The following UNC93A variants were observed in gnomAD, a reference collection of about 807,000 sequenced individuals.
UNC93A encodes unc-93 homolog A.
UNC93A carries 43 observed loss-of-function variants against 47.5 expected under a neutral mutation model. The ratio of observed to expected loss-of-function variants is 0.91; its 90% CI spans 0.71 to 1.17. The LOEUF (loss-of-function observed/expected upper bound fraction) is 1.17. Among genes scored for constraint, UNC93A ranks in the 50% most tolerant of loss-of-function variants. UNC93A has a pLI of 0.00. For synonymous variants in UNC93A, 280 were observed against 258.0 expected (o/e 1.09, Z -0.82); for missense variants, 605 against 577.6 (o/e 1.05, Z -0.49).
chr6:167,315,103 G>A, intron 7 of UNC93A, 84 bp from the exon 8 acceptor site: 1 of 1,536,226 alleles, frequency 6.5e-7, no homozygotes, highest in Non-Finnish European at 8.8e-7. Flanking sequence ...AGAAAATGGG[G>A]CAGTGGGAAA....
Position 167,315,249 on chromosome 6 carries a change from G to A in UNC93A, c.1171G>A (p.Glu391Lys), listed in dbSNP as rs1778660173. Residue 391 changes from glutamate to lysine, a missense_variant, in exon 8 of 8, where the codon GAG becomes AAG. By Grantham distance (56) the Glu-to-Lys change is moderately conservative. Transcript: ENST00000230256. ...EAAFANYRLW[E>K]ALGFVIAFGY... ...TGCCTTCGCCAATTACCGCCTGTGG[G>A]AGGCCCTGGGCTTCGTCATTGCCTT... 1 of 1,613,794 alleles carries A rather than the reference G, an allele frequency of 6.2e-7. No individual in the cohort carries two copies. Among genetic ancestry groups the A allele is most frequent in the African/African-American group, 1.3e-5 (1 of 74,964 alleles).
At chr6:167,272,322 C>T (rs936223764) in intron 1 of UNC93A, among the ~76,000 whole-genome samples, 26 of 152,202 alleles carry the variant, frequency 1.7e-4, no homozygotes, top group Non-Finnish European at 1.0e-4. Context: ...TGCTCTCAGG[C>T]CTGCTCCCGG....
Position 167,307,763 on chromosome 6 carries a change from C to G in UNC93A, c.977-16C>G. ...ATGGCCCTCATCGCCTGGCGGTTTC[C>G]CCTCTGCACCCCCAGGCGCGGTGAC... is the stretch of plus-strand genomic sequence containing the variant. On this transcript the variant is annotated splice_polypyrimidine_tract_variant and intron_variant, in intron 6 of 7. Coordinates refer to ENST00000230256, the MANE Select transcript of UNC93A (RefSeq NM_018974.4). 1 of 1,589,258 alleles carries G rather than the reference C, an allele frequency of 6.3e-7. No individual in the cohort carries two copies. The highest frequency in any genetic ancestry group is 8.5e-7 in the Non-Finnish European group (1 of 1,171,150).
At position 167,283,193 on chromosome 6, in the gene UNC93A, G is replaced by A. The variant is rs558654381; in HGVS notation, c.-51-8246G>A. 1.6e-4 allele frequency among the ~76,000 whole-genome samples: 24 copies of A among 152,310 alleles called. No homozygotes were observed. In the East Asian group the frequency reaches 4.4e-3, roughly 28 times the overall value. Reference sequence around the variant, plus strand: ...CAGCTTTGCAGGGCCATTTCAAAATGTGTCAAACAAAGTTATTTTTGGGTA... The same window carrying A: ...CAGCTTTGCAGGGCCATTTCAAAATATGTCAAACAAAGTTATTTTTGGGTA... On this transcript the variant is annotated intron_variant, in intron 1 of 3. Transcript: ENST00000503433.
Position 167,304,131 on chromosome 6 carries a change from A to G in UNC93A, c.838A>G (p.Arg280Gly). ...QQGFLSSEYT[R>G]SYVTCTLGIQ... ...AGGATTCCTCTCCAGCGAATACACA[A>G]GGGTATGAACGAAAGTGAGGGCCGG... is the stretch of plus-strand genomic sequence containing the variant. Residue 280 changes from arginine to glycine, a missense_variant and splice_region_variant, in exon 5 of 8, where the codon AGG (arginine) becomes GGG (glycine). Transcript: ENST00000230256. The G allele has an allele frequency of 6.2e-7, 1 of 1,614,188 alleles. No homozygotes were observed. The highest frequency in any genetic ancestry group is 1.1e-5 in the South Asian group (1 of 91,076).
chr6:167,287,262 A>T (rs544132249), upstream of UNC93A, among the ~76,000 whole-genome samples: 3 of 152,148 alleles, frequency 2.0e-5, no homozygotes, highest in South Asian at 6.2e-4. Flanking sequence ...GTTCATAGAA[A>T]CGGCTGCTGA....
chr6:167,311,077 T>C (rs895454392), intron 7 of UNC93A, among the ~76,000 whole-genome samples: 2 of 152,222 alleles, frequency 1.3e-5, no homozygotes, highest in Non-Finnish European at 1.5e-5. Flanking sequence ...TTTATGTAGC[T>C]TTGGCTACAT....
Position 167,302,145 on chromosome 6 carries a change from C to T in UNC93A, c.626-1774C>T, listed in dbSNP as rs75135914. ...GGAACCACATTACCAATGGTGCTTT[C>T]TGAGACAGGTGCTAGGATTCTGCTG... On this transcript the variant is annotated intron_variant, in intron 4 of 7. Coordinates refer to ENST00000230256, the MANE Select transcript of UNC93A (RefSeq NM_018974.4). Among the ~76,000 whole-genome samples the T allele has an allele frequency of 5.7e-3, 869 of 152,286 alleles. 29 individuals carry two copies. The East Asian group carries it at 0.09, about 16-fold the overall frequency.
chr6:167,286,725 C>T (rs1783740162), upstream of UNC93A, among the ~76,000 whole-genome samples: 1 of 152,078 alleles, frequency 6.6e-6, no homozygotes, highest in Non-Finnish European at 1.5e-5. Flanking sequence ...AGTCTTTAAT[C>T]CCAGCACTTT....
intron 1 of UNC93A, among the ~76,000 whole-genome samples, chr6:167,293,030 G>A (rs542638061): frequency 6.6e-6 from 1 of 152,284 alleles, no homozygotes; most frequent in East Asian, 1.9e-4. Flanking sequence ...GGGGCTGGAG[G>A]GGGCTGGGAG....
At chr6:167,272,171 G>A (rs895711917) in intron 1 of UNC93A, among the ~76,000 whole-genome samples, 7 of 152,268 alleles carry the variant, frequency 4.6e-5, no homozygotes, top group Admixed American at 2.0e-4. Context: ...GGTGTCTTTG[G>A]GGGTGGCTGA....
chr6:167,299,214 A>G (rs1327544658), intron 4 of UNC93A, among the ~76,000 whole-genome samples: 1 of 151,242 alleles, frequency 6.6e-6, no homozygotes, highest in African/African-American at 2.4e-5. Context: ...ATATATATAT[A>G]TATATATTCT....
chr6:167,314,658 T>C (rs572212226), intron 7 of UNC93A, among the ~76,000 whole-genome samples: 134 of 152,158 alleles, frequency 8.8e-4, no homozygotes, highest in African/African-American at 2.8e-3. Context: ...CTCTGCTCAC[T>C]GAGAGAAATG....
intron 7 of UNC93A, among the ~76,000 whole-genome samples, chr6:167,308,937 G>A (rs1202263228): frequency 6.6e-6 from 1 of 152,122 alleles, no homozygotes; most frequent in Non-Finnish European, 1.5e-5. Flanking sequence ...ACAGAATAGG[G>A]TGGCCTGGCC....
In UNC93A at chr6:167,315,681, A is replaced by G. The variant is rs371335503; in HGVS notation, c.*229A>G. On this transcript the variant is annotated 3_prime_UTR_variant, in exon 8 of 8. Transcript: ENST00000230256. ...TATACATGAAGGTATCAGTTCATTTAATTTTAGATGCAAAAGAAAAAGGTC... is the reference window on the plus strand; with the variant it reads ...TATACATGAAGGTATCAGTTCATTTGATTTTAGATGCAAAAGAAAAAGGTC... The G allele has an allele frequency of 3.5e-4, 173 of 494,646 alleles. 1 individual carries two copies. The highest frequency in any genetic ancestry group is 3.0e-3 in the East Asian group (74 of 24,496). The allele number at this position is 494,646 out of a possible 1,614,324, so 30.6% of individuals were successfully genotyped here.
chr6:167,303,827 C>A (rs566858963), intron 4 of UNC93A, 92 bp from the exon 5 acceptor site: 4 of 1,271,354 alleles, frequency 3.1e-6, no homozygotes, highest in Non-Finnish European at 2.3e-6. Flanking sequence ...CCCTCCCTCG[C>A]GAGAGGAGGA....
chr6:167,272,832 T>G (rs1222710024), intron 1 of UNC93A, among the ~76,000 whole-genome samples: 2 of 152,318 alleles, frequency 1.3e-5, no homozygotes, highest in South Asian at 2.1e-4. Flanking sequence ...GGTAGCAGGC[T>G]TCAGAGGGAA....
intron 5 of UNC93A, among the ~76,000 whole-genome samples, chr6:167,305,190 G>T (rs748293134): frequency 3.9e-5 from 6 of 152,224 alleles, no homozygotes; most frequent in Non-Finnish European, 7.3e-5. Flanking sequence ...AACCACAAAT[G>T]TCTCTCCAGG....
intron 1 of UNC93A, among the ~76,000 whole-genome samples, chr6:167,278,922 G>A (rs962406691): frequency 6.6e-6 from 1 of 152,224 alleles, no homozygotes; most frequent in Non-Finnish European, 1.5e-5. Context: ...CATGTGATTA[G>A]CACAGCTTGC....
Sources: gnomAD v4.1 joint callset for allele counts (sites outside exome capture counted in the v4.1 genomes callset) on GRCh38, gnomAD v4.1.1 for gene constraint, MANE v1.5 for transcripts, NCBI Gene and HGNC (gene_info 2026-07-23, HGNC 2026-07-21) for gene names.